The following WDR47 variants were observed in gnomAD, a reference collection of about 807,000 sequenced individuals.
WDR47 encodes WD repeat-containing protein 47.
A neutral mutation model predicts 97.2 loss-of-function variants in WDR47; 32 were observed. That is an observed-to-expected ratio of 0.33 (90% CI 0.25 to 0.44). The LOEUF is 0.44. WDR47 is among the 20% of genes least tolerant of loss of function. The probability of loss-of-function intolerance (pLI) is 1.00; values close to 1 mark genes in which losing one functional copy is unlikely to be tolerated. For synonymous variants in WDR47, 375 were observed against 373.5 expected (o/e 1.00, Z -0.05); for missense variants, 782 against 1,102.3 (o/e 0.71, Z 4.11).
intron 8 of WDR47, 124 bp downstream of exon 8, chr1:108,995,456 G>GA (rs949015185): frequency 5.2e-5 from 59 of 1,132,070 alleles, no homozygotes; most frequent in Admixed American, 1.9e-4. Flanking sequence ...GGCAGATTAG[G>GA]AAAAAAAATT....
chr1:109,003,565 A>G (rs1194253902), intron 6 of WDR47, among the ~76,000 whole-genome samples: 4 of 152,132 alleles, frequency 2.6e-5, no homozygotes, highest in Non-Finnish European at 5.9e-5. Context: ...GCAGTGGTAC[A>G]ATGTTGGCTC....
chr1:109,037,624 C>T (rs1369922204), intron 1 of WDR47, among the ~76,000 whole-genome samples: 9 of 116,846 alleles, frequency 7.7e-5, no homozygotes, highest in Non-Finnish European at 1.0e-4. Flanking sequence ...GAGACCTCGT[C>T]TCAAAAAAAA....
At chr1:109,034,162 C>T (rs1474181128) in intron 1 of WDR47, among the ~76,000 whole-genome samples, 2 of 152,148 alleles carry the variant, frequency 1.3e-5, no homozygotes, top group African/African-American at 2.4e-5. Flanking sequence ...GTGGCACATG[C>T]CTGGAATCCC....
At chr1:109,038,935 C>T (rs553173575) in intron 1 of WDR47, among the ~76,000 whole-genome samples, 7 of 152,084 alleles carry the variant, frequency 4.6e-5, no homozygotes, top group Non-Finnish European at 7.4e-5. Flanking sequence ...GCCGAGATCA[C>T]GCCACTGCAC....
chr1:108,979,034 T>C (rs1341210585), intron 13 of WDR47, among the ~76,000 whole-genome samples: 2 of 152,190 alleles, frequency 1.3e-5, no homozygotes, highest in Non-Finnish European at 2.9e-5. Flanking sequence ...GCATTGCCAA[T>C]TCCATAAAAT....
intron 1 of WDR47, among the ~76,000 whole-genome samples, chr1:109,039,195 C>T (rs561244699): frequency 1.6e-3 from 241 of 151,970 alleles, no homozygotes; most frequent in African/African-American, 5.8e-3. Context: ...CGAGCTATTA[C>T]AGTGAATAAG....
intron 11 of WDR47, 49 bp downstream of exon 11, chr1:108,983,231 CAT>C: frequency 4.8e-6 from 7 of 1,456,588 alleles, no homozygotes; most frequent in Non-Finnish European, 6.4e-6. Flanking sequence ...ATGGAGAAAA[CAT>C]AACATATACA....
At chr1:109,022,671 G>A (rs903175089) in intron 2 of WDR47, among the ~76,000 whole-genome samples, 1 of 151,980 alleles carries the variant, frequency 6.6e-6, no homozygotes, top group African/African-American at 2.4e-5. Context: ...TGGAACCTCC[G>A]TCTCCCTGGT....
At chr1:109,000,237 G>C (rs1625256) in intron 7 of WDR47, among the ~76,000 whole-genome samples, 29,499 of 151,734 alleles carry the variant, frequency 0.19, 2,965 homozygotes, top group African/African-American at 0.23. Flanking sequence ...AAGGGCAGGC[G>C]CAGTGGCTTA....
At chr1:109,000,638 G>A (rs35641123) in intron 7 of WDR47, among the ~76,000 whole-genome samples, 10,530 of 149,526 alleles carry the variant, frequency 0.07, 478 homozygotes, top group Middle Eastern at 0.14. Context: ...ATCAGATTGC[G>A]CTACTGCACT....
At position 109,011,509 on chromosome 1, in the gene WDR47, A is replaced by G; in HGVS notation, c.537T>C (p.Asp179=). The change falls in exon 5 of 15, where the codon GAT becomes GAC. Residue 179 remains aspartate, a synonymous_variant. Coordinates refer to ENST00000369962, the MANE Select transcript of WDR47 (RefSeq NM_001142551.2). The stretch of plus-strand genomic sequence containing the variant: ...TAAAACCAGCTTCACTTAGCTTCCT[A>G]TCAGCAGGGATGAATTCTGCAACCA... ...CVMVAEFIPA[D]RKLSEAGFKA... is the part of the protein sequence containing the mutation. 2 of 1,614,204 alleles carry G rather than the reference A, an allele frequency of 1.2e-6. No homozygotes were observed. The highest frequency in any genetic ancestry group is 1.7e-6 in the Non-Finnish European group (2 of 1,180,044).
intron 4 of WDR47, among the ~76,000 whole-genome samples, chr1:109,013,044 G>A (rs1661163362): frequency 6.6e-6 from 1 of 152,128 alleles, no homozygotes; most frequent in Non-Finnish European, 1.5e-5. Flanking sequence ...AGGTGACTAG[G>A]TCATAAATGC....
At chr1:108,997,489 G>A (rs1311667906) in intron 7 of WDR47, among the ~76,000 whole-genome samples, 1 of 151,722 alleles carries the variant, frequency 6.6e-6, no homozygotes, top group Non-Finnish European at 1.5e-5. Flanking sequence ...GGGCGCGGTG[G>A]CTCATGCCTG....
chr1:109,020,936 G>T (rs1353819935), intron 2 of WDR47, among the ~76,000 whole-genome samples: 6 of 150,128 alleles, frequency 4.0e-5, no homozygotes, highest in African/African-American at 1.5e-4. Flanking sequence ...GCCCAAGCTG[G>T]AATACAATGG....
At chr1:109,007,931 G>A (rs1302649159) in intron 5 of WDR47, among the ~76,000 whole-genome samples, 2 of 151,836 alleles carry the variant, frequency 1.3e-5, no homozygotes, top group African/African-American at 2.4e-5. Context: ...GTGAAACCCC[G>A]GCTCTACTAA....
chr1:108,971,417 C>T lies in WDR47; in HGVS notation c.*13G>A, dbSNP rs1657446809. On this transcript the variant is annotated 3_prime_UTR_variant, in exon 15 of 15. Transcript: ENST00000369962. ...TCTGTGCTTTTGCTGCATAGACTGA[C>T]ATGCGGTGTGCTCTACCCATTGTAA... 6.2e-7 allele frequency: 1 copy of T among 1,613,824 alleles called. No homozygotes were observed. The highest frequency in any genetic ancestry group is 1.3e-5 in the African/African-American group (1 of 74,910).
intron 1 of WDR47, among the ~76,000 whole-genome samples, chr1:109,024,195 T>C (rs1368487511): frequency 2.0e-5 from 3 of 152,208 alleles, no homozygotes; most frequent in Non-Finnish European, 4.4e-5. Flanking sequence ...CGTACGCCTG[T>C]AATCCCTGTA....
chr1:109,002,037 G>A (rs1660244315), intron 7 of WDR47, among the ~76,000 whole-genome samples, 187 bp downstream of exon 7: 1 of 152,178 alleles, frequency 6.6e-6, no homozygotes, highest in African/African-American at 2.4e-5. Flanking sequence ...TAGTTGCTTA[G>A]GGAATAAGGA....
chr1:109,010,842 A>G, intron 5 of WDR47, 74 bp downstream of exon 5: 1 of 1,448,616 alleles, frequency 6.9e-7, no homozygotes, highest in Non-Finnish European at 9.4e-7. Flanking sequence ...TCGGCCTCCC[A>G]AAGTGCTGGG....
Sources: gnomAD v4.1 joint callset for allele counts (sites outside exome capture counted in the v4.1 genomes callset) on GRCh38, gnomAD v4.1.1 for gene constraint, MANE v1.5 for transcripts, NCBI Gene and HGNC (gene_info 2026-07-23, HGNC 2026-07-21) for gene names.